Variants in SSBP2 observed in about 807,000 individuals in gnomAD.
SSBP2 encodes single stranded DNA binding protein 2, also known as single-stranded DNA-binding protein 2.
SSBP2 carries 17 observed loss-of-function variants against 61.8 expected under a neutral mutation model. The ratio of observed to expected loss-of-function variants is 0.28; its 90% confidence interval spans 0.19 to 0.41. The LOEUF is 0.41. SSBP2 is among the 10% of genes least tolerant of loss of function. SSBP2 has a pLI of 1.00. For synonymous variants in SSBP2, 139 were observed against 141.3 expected (o/e 0.98, Z 0.12); for missense variants, 310 against 458.7 (o/e 0.68, Z 2.96).
intron 5 of SSBP2, among the ~76,000 whole-genome samples, chr5:81,494,058 C>T (rs1396901808): frequency 1.3e-5 from 2 of 152,152 alleles, no homozygotes; most frequent in Non-Finnish European, 2.9e-5. Context: ...TTCTTTTCTA[C>T]ATCAGTCCAC....
intron 1 of SSBP2, among the ~76,000 whole-genome samples, chr5:81,733,987 C>G (rs1310172282): frequency 1.1e-4 from 17 of 152,064 alleles, no homozygotes; most frequent in Non-Finnish European, 1.5e-5. Context: ...TCAAAGGTAA[C>G]TACAGAAACA....
chr5:81,552,967 G>A (rs942907407), intron 4 of SSBP2, among the ~76,000 whole-genome samples: 5 of 152,108 alleles, frequency 3.3e-5, no homozygotes, highest in African/African-American at 7.2e-5. Context: ...TTCTGAGGGA[G>A]GATACAAACT....
intron 3 of SSBP2, among the ~76,000 whole-genome samples, chr5:81,633,700 C>T (rs994101759): frequency 1.3e-5 from 2 of 152,156 alleles, no homozygotes; most frequent in Admixed American, 1.3e-4. Context: ...ACATCAGACC[C>T]ATGTAACCAG....
intron 1 of SSBP2, among the ~76,000 whole-genome samples, chr5:81,666,650 G>A (rs995811491): frequency 1.3e-5 from 2 of 152,230 alleles, no homozygotes; most frequent in Non-Finnish European, 2.9e-5. Flanking sequence ...ATAGAGTTTA[G>A]TAAAAATTTC....
rs1445006466 is a variant in SSBP2, at chr5:81,455,604, C to A, written c.687+5451G>T. ...ACTGCAGTCCGCAGTCCGGCCTGGGCGACAGAGCGAGACTCCGTCTCAAAA... is the reference window on the plus strand; with the variant it reads ...ACTGCAGTCCGCAGTCCGGCCTGGGAGACAGAGCGAGACTCCGTCTCAAAA... On this transcript the variant is annotated intron_variant, in intron 10 of 16. Transcript: ENST00000320672. Among the ~76,000 whole-genome samples the A allele has an allele frequency of 5.0e-5, 2 of 39,960 alleles. 1 individual carries two copies. The highest frequency in any genetic ancestry group is 2.0e-3 in the African/African-American group (2 of 982). 26.2% of individuals were successfully genotyped at this position (39,960 alleles called of 152,430 possible).
intron 12 of SSBP2, among the ~76,000 whole-genome samples, chr5:81,445,621 A>T (rs1394272844): frequency 6.6e-6 from 1 of 152,078 alleles, no homozygotes; most frequent in Non-Finnish European, 1.5e-5. Flanking sequence ...AGCAAAGTAA[A>T]ATTTTGTATT....
chr5:81,583,220 A>C (rs1774794837), intron 4 of SSBP2, among the ~76,000 whole-genome samples: 1 of 152,134 alleles, frequency 6.6e-6, no homozygotes, highest in Non-Finnish European at 1.5e-5. Flanking sequence ...TCCTGTCTCA[A>C]AATCAAATCA....
chr5:81,485,069 A>G (rs947345480), intron 6 of SSBP2, among the ~76,000 whole-genome samples: 1 of 152,140 alleles, frequency 6.6e-6, no homozygotes. Flanking sequence ...TGTTGAATGA[A>G]TACTGTGAAT....
chr5:81,433,966 T>C (rs1236785654), intron 15 of SSBP2, among the ~76,000 whole-genome samples: 1 of 152,390 alleles, frequency 6.6e-6, no homozygotes, highest in East Asian at 1.9e-4. Flanking sequence ...ATTTAGTGTC[T>C]GTATAGCACT....
At chr5:81,589,594 G>A (rs551835344) in intron 4 of SSBP2, among the ~76,000 whole-genome samples, 5 of 152,064 alleles carry the variant, frequency 3.3e-5, no homozygotes, top group Admixed American at 2.6e-4. Flanking sequence ...ATCTTAAAAT[G>A]TCTTTTTAAA....
intron 5 of SSBP2, among the ~76,000 whole-genome samples, chr5:81,509,815 C>T: frequency 6.6e-6 from 1 of 152,158 alleles, no homozygotes; most frequent in South Asian, 2.1e-4. Context: ...TATCCAGAGA[C>T]CCAAAGTAGA....
intron 1 of SSBP2, among the ~76,000 whole-genome samples, chr5:81,734,209 C>T (rs904476341): frequency 6.6e-6 from 1 of 152,092 alleles, no homozygotes; most frequent in African/African-American, 2.4e-5. Flanking sequence ...ATAAAAACTC[C>T]ATTGCTTAAT....
chr5:81,624,111 T>TA (rs547026629), intron 3 of SSBP2, among the ~76,000 whole-genome samples: 18 of 152,266 alleles, frequency 1.2e-4, no homozygotes, highest in African/African-American at 4.1e-4. Flanking sequence ...TCTTCAATTT[T>TA]AAAAAAGCCC....
At chr5:81,677,075 T>G (rs1464120900) in intron 1 of SSBP2, among the ~76,000 whole-genome samples, 1 of 152,124 alleles carries the variant, frequency 6.6e-6, no homozygotes, top group Non-Finnish European at 1.5e-5. Context: ...TTTACTTTAG[T>G]CTCAGAATAA....
intron 4 of SSBP2, among the ~76,000 whole-genome samples, chr5:81,541,088 GA>G (rs552417693): frequency 9.3e-5 from 14 of 150,866 alleles, no homozygotes; most frequent in Middle Eastern, 3.4e-3. Flanking sequence ...CAATTCAATG[GA>G]AAAAAAAATC....
At chr5:81,644,476 A>G (rs1247120728) in intron 2 of SSBP2, among the ~76,000 whole-genome samples, 1 of 152,190 alleles carries the variant, frequency 6.6e-6, no homozygotes, top group Non-Finnish European at 1.5e-5. Flanking sequence ...AACAAGATAG[A>G]AGGCAAAGGC....
chr5:81,542,579 A>G (rs544339688), intron 4 of SSBP2, among the ~76,000 whole-genome samples: 1 of 152,080 alleles, frequency 6.6e-6, no homozygotes, highest in Admixed American at 6.5e-5. Context: ...CACATGGTAT[A>G]TATTCCATAT....
intron 6 of SSBP2, among the ~76,000 whole-genome samples, chr5:81,488,010 A>AATATATATATATATATATAT (rs59039206): frequency 5.1e-5 from 2 of 38,936 alleles, no homozygotes; most frequent in Non-Finnish European, 1.0e-4. Context: ...ATGGCCAAAT[A>AATATATATATATATATATAT]ATATATATAT....
At chr5:81,467,183 G>C (rs1238180457) in intron 8 of SSBP2, 118 bp from the exon 9 acceptor site, 5 of 532,438 alleles carry the variant, frequency 9.4e-6, no homozygotes, top group Non-Finnish European at 1.7e-5. Flanking sequence ...TCTCTGAGGG[G>C]TCCATTCTTG....
Sources: gnomAD v4.1 joint callset for allele counts (sites outside exome capture counted in the v4.1 genomes callset) on GRCh38, gnomAD v4.1.1 for gene constraint, MANE v1.5 for transcripts, NCBI Gene and HGNC (gene_info 2026-07-23, HGNC 2026-07-21) for gene names.